The following SLIT3 variants were observed in gnomAD, a reference collection of about 807,000 sequenced individuals.
SLIT3 encodes slit guidance ligand 3, also known as slit homolog 3 protein.
A neutral mutation model predicts 184.0 loss-of-function variants in SLIT3; 68 were observed. That is an observed-to-expected ratio of 0.37 (90% CI 0.30 to 0.45). The LOEUF is 0.45. SLIT3 is among the 20% of genes least tolerant of loss of function. SLIT3 has a pLI of 1.00. For synonymous variants in SLIT3, 831 were observed against 828.6 expected (o/e 1.00, Z -0.05); for missense variants, 1,707 against 2,026.0 (o/e 0.84, Z 3.02).
At chr5:169,245,146 T>C (rs1408566722) in intron 2 of SLIT3, among the ~76,000 whole-genome samples, 2 of 152,108 alleles carry the variant, frequency 1.3e-5, no homozygotes, top group Non-Finnish European at 2.9e-5. Flanking sequence ...CCTCCAAGGA[T>C]TCAAAAATAC....
At chr5:168,844,055 C>A (rs1344504658) in intron 6 of SLIT3, among the ~76,000 whole-genome samples, 1 of 130,260 alleles carries the variant, frequency 7.7e-6, no homozygotes, top group Admixed American at 9.7e-5. Flanking sequence ...GAGATGAGAT[C>A]CCAGGAGCAA....
intron 1 of SLIT3, among the ~76,000 whole-genome samples, chr5:169,287,626 C>T (rs1049155041): frequency 6.6e-6 from 1 of 152,104 alleles, no homozygotes; most frequent in African/African-American, 2.4e-5. Flanking sequence ...ACCTCAAAAG[C>T]CTGAAAATCT....
chr5:169,135,505 G>A (rs1761469576), intron 4 of SLIT3, among the ~76,000 whole-genome samples: 1 of 152,048 alleles, frequency 6.6e-6, no homozygotes, highest in African/African-American at 2.4e-5. Context: ...TTCAAAACAT[G>A]AAATAGCACA....
intron 4 of SLIT3, among the ~76,000 whole-genome samples, chr5:168,890,189 C>T (rs557335783): frequency 2.6e-5 from 4 of 151,334 alleles, no homozygotes; most frequent in East Asian, 1.9e-4. Context: ...ACTGTTTCTC[C>T]GTTTTATCCA....
At chr5:169,059,872 G>A (rs950348180) in intron 4 of SLIT3, among the ~76,000 whole-genome samples, 8 of 152,216 alleles carry the variant, frequency 5.3e-5, no homozygotes, top group African/African-American at 1.7e-4. Context: ...TGCCCAAAGT[G>A]ATATGTTAAG....
At chr5:168,954,990 C>T (rs1214951300) in intron 4 of SLIT3, among the ~76,000 whole-genome samples, 1 of 151,758 alleles carries the variant, frequency 6.6e-6, no homozygotes, top group Non-Finnish European at 1.5e-5. Context: ...ACCTTTTCTT[C>T]CAGAGACTTC....
intron 4 of SLIT3, among the ~76,000 whole-genome samples, chr5:169,164,495 C>T (rs897507314): frequency 2.6e-5 from 4 of 152,194 alleles, no homozygotes; most frequent in Non-Finnish European, 2.9e-5. Context: ...TTGTCTACCA[C>T]ATTACTCAGC....
chr5:169,053,574 C>T (rs919590152), intron 4 of SLIT3, among the ~76,000 whole-genome samples: 1 of 152,162 alleles, frequency 6.6e-6, no homozygotes, highest in Non-Finnish European at 1.5e-5. Flanking sequence ...CACCCTCCAC[C>T]GGATTGCACA....
chr5:169,135,032 G>A (rs979039756), intron 4 of SLIT3, among the ~76,000 whole-genome samples: 24 of 152,148 alleles, frequency 1.6e-4, no homozygotes, highest in Non-Finnish European at 3.1e-4. Context: ...TGTGACACTG[G>A]GTAAATCACT....
At chr5:168,933,099 C>T (rs899594935) in intron 4 of SLIT3, among the ~76,000 whole-genome samples, 1 of 152,102 alleles carries the variant, frequency 6.6e-6, no homozygotes. Flanking sequence ...ACAGCATTAA[C>T]AAAGATGCAA....
chr5:168,855,313 T>A (rs1758824930), intron 5 of SLIT3, among the ~76,000 whole-genome samples: 1 of 152,334 alleles, frequency 6.6e-6, no homozygotes, highest in Non-Finnish European at 1.5e-5. Flanking sequence ...AGTTTGGTGG[T>A]TCCTCAAAAA....
chr5:169,201,174 T>C (rs1246115336), intron 3 of SLIT3, among the ~76,000 whole-genome samples: 2 of 152,236 alleles, frequency 1.3e-5, no homozygotes, highest in African/African-American at 4.8e-5. Context: ...CTGGCTTACA[T>C]CAGTTTTGAA....
At chr5:169,202,001 G>A (rs924634975) in intron 3 of SLIT3, among the ~76,000 whole-genome samples, 1 of 31,216 alleles carries the variant, frequency 3.2e-5, no homozygotes, top group Non-Finnish European at 7.8e-5. Flanking sequence ...GGAGGCCAAA[G>A]CAGGAGGATT....
intron 4 of SLIT3, among the ~76,000 whole-genome samples, chr5:168,892,420 G>A (rs555118581): frequency 8.5e-5 from 13 of 152,246 alleles, no homozygotes; most frequent in African/African-American, 2.6e-4. Context: ...CTGTAGCTAC[G>A]CAGCATCTCA....
At chr5:169,029,283 G>C (rs1056344945) in intron 4 of SLIT3, among the ~76,000 whole-genome samples, 3 of 152,134 alleles carry the variant, frequency 2.0e-5, no homozygotes, top group Non-Finnish European at 4.4e-5. Flanking sequence ...TTTGAGGTTT[G>C]CACTCTTTTT....
At chr5:169,045,877 T>C (rs760139639) in intron 4 of SLIT3, among the ~76,000 whole-genome samples, 1 of 152,244 alleles carries the variant, frequency 6.6e-6, no homozygotes, top group Non-Finnish European at 1.5e-5. Flanking sequence ...TTCATTCATT[T>C]CACCCACTAC....
At chr5:168,957,216 CAA>C (rs1762854938) in intron 4 of SLIT3, among the ~76,000 whole-genome samples, 2 of 121,082 alleles carry the variant, frequency 1.7e-5, no homozygotes, top group South Asian at 5.2e-4. Flanking sequence ...GCAACAAGAG[CAA>C]AAGTCTGTCT....
chr5:169,201,888 G>T (rs1023451906), intron 3 of SLIT3, among the ~76,000 whole-genome samples: 4 of 152,200 alleles, frequency 2.6e-5, no homozygotes, highest in African/African-American at 9.7e-5. Flanking sequence ...TGGATATTTT[G>T]TTGAGGACTA....
chr5:169,103,942 G>A (rs1169634361), intron 4 of SLIT3, among the ~76,000 whole-genome samples: 2 of 152,212 alleles, frequency 1.3e-5, no homozygotes, highest in Non-Finnish European at 2.9e-5. Flanking sequence ...CTGTGCTGGA[G>A]TTTCCTCCAG....
Sources: gnomAD v4.1 joint callset for allele counts (sites outside exome capture counted in the v4.1 genomes callset) on GRCh38, gnomAD v4.1.1 for gene constraint, MANE v1.5 for transcripts, NCBI Gene and HGNC (gene_info 2026-07-23, HGNC 2026-07-21) for gene names.